The following FOXO1 variants were observed in gnomAD, a reference collection of about 807,000 sequenced individuals.
FOXO1 encodes the protein forkhead box protein O1.
Under a neutral mutation model 44.1 loss-of-function variants are expected in FOXO1, and 6 were observed. That is an observed-to-expected ratio of 0.14 (90% CI 0.07 to 0.27). FOXO1 has a LOEUF of 0.27. Among genes scored for constraint, FOXO1 ranks in the 10% least tolerant of loss-of-function variants. FOXO1 has a pLI of 1.00. For synonymous variants in FOXO1, 380 were observed against 362.7 expected (o/e 1.05, Z -0.54); for missense variants, 737 against 888.8 (o/e 0.83, Z 2.17).
At position 40,603,021 on chromosome 13, in the gene FOXO1, G is replaced by A. The variant is rs941352246; in HGVS notation, c.631-42161C>T. ...CTCTGCTCATACACTCACTCCCTAC[G>A]TCACTCCACAACTAGGCCACTAATG... On this transcript the variant is annotated intron_variant, in intron 1 of 2. Transcript: ENST00000379561. Among the ~76,000 whole-genome samples the A allele has an allele frequency of 3.3e-5, 5 of 152,042 alleles. No individual in the cohort carries two copies. In the East Asian group the frequency reaches 7.7e-4, roughly 23 times the overall value.
In FOXO1 at chr13:40,570,397, G is replaced by A. The variant is rs980750229; in HGVS notation, c.631-9537C>T. ...AAGAACGTACTACAGGACAAAAGAG[G>A]TGCGTTACAAGTAAATGGGACTACG... On this transcript the variant is annotated intron_variant, in intron 1 of 2. Transcript: ENST00000379561. 3.6e-5 allele frequency among the ~76,000 whole-genome samples: 5 copies of A among 138,572 alleles called. No individual in the cohort carries two copies. The South Asian group carries it at 1.3e-3, about 35-fold the overall frequency. The allele number at this position is 138,572 out of a possible 152,430, so 90.9% of individuals were successfully genotyped here. A position where few individuals can be genotyped will look rare whatever the true frequency, so the allele number is the denominator to read the frequency against.
In FOXO1 at chr13:40,556,652, G is replaced by A. The variant is rs1361379940; in HGVS notation, c.*2397C>T. 1 of 152,368 alleles carries A rather than the reference G, an allele frequency of 6.6e-6. No individual in the cohort carries two copies. Among genetic ancestry groups the A allele is most frequent in the East Asian group, 1.9e-4 (1 of 5,196 alleles). 9.4% of individuals were successfully genotyped at this position (152,368 alleles called of 1,614,324 possible). On this transcript the variant is annotated 3_prime_UTR_variant, in exon 3 of 3. Coordinates refer to ENST00000379561, the MANE Select transcript of FOXO1 (RefSeq NM_002015.4). ...CCCTGGACTTCACTGTTCTCAGAGA[G>A]CTACCAAGGATTCATGACAGGATTT...
intron 1 of FOXO1, among the ~76,000 whole-genome samples, chr13:40,565,242 G>A (rs943427402): frequency 5.3e-5 from 8 of 152,170 alleles, no homozygotes; most frequent in Non-Finnish European, 1.0e-4. Context: ...AAGGAGTAGC[G>A]AAAGACATGA....
chr13:40,604,751 T>A (rs1216807299), intron 1 of FOXO1, among the ~76,000 whole-genome samples: 1 of 152,268 alleles, frequency 6.6e-6, no homozygotes, highest in African/African-American at 2.4e-5. Context: ...AAGTCTTATG[T>A]ATAAGAATCA....
At chr13:40,643,358 A>G (rs1028010781) in intron 1 of FOXO1, among the ~76,000 whole-genome samples, 7 of 151,864 alleles carry the variant, frequency 4.6e-5, no homozygotes, top group Non-Finnish European at 8.8e-5. Context: ...AAAAAAAAAA[A>G]AAAAAGAAAA....
At chr13:40,628,675 T>C (rs531024254) in intron 1 of FOXO1, among the ~76,000 whole-genome samples, 3 of 152,214 alleles carry the variant, frequency 2.0e-5, no homozygotes, top group Non-Finnish European at 4.4e-5. Flanking sequence ...AATGGGGACA[T>C]GGCCAACCTA....
intron 1 of FOXO1, among the ~76,000 whole-genome samples, chr13:40,586,900 A>G (rs2137859293): frequency 6.6e-6 from 1 of 152,340 alleles, no homozygotes; most frequent in African/African-American, 2.4e-5. Flanking sequence ...CACGTTGAAC[A>G]ATCCTCTACT....
chr13:40,588,222 C>A (rs1435676409), intron 1 of FOXO1, among the ~76,000 whole-genome samples: 2 of 152,146 alleles, frequency 1.3e-5, no homozygotes, highest in Non-Finnish European at 2.9e-5. Context: ...CTCCAACAAT[C>A]AAGGTGTTCC....
In FOXO1 at chr13:40,645,206, T is replaced by C. The variant is rs542416445; in HGVS notation, c.630+20377A>G. ...TGGGTAGGTGCAGTTTCAGTGGAAA[T>C]TTACATCTATATATCCAGACTATCA... On this transcript the variant is annotated intron_variant, in intron 1 of 2. Transcript: ENST00000379561. 1.4e-4 allele frequency among the ~76,000 whole-genome samples: 21 copies of C among 152,280 alleles called. 1 individual carries two copies. In the South Asian group the frequency reaches 2.7e-3, roughly 20 times the overall value.
intron 1 of FOXO1, among the ~76,000 whole-genome samples, chr13:40,608,250 CCTT>C (rs1876095033): frequency 6.6e-6 from 1 of 152,166 alleles, no homozygotes; most frequent in Non-Finnish European, 1.5e-5. Flanking sequence ...ACACTTTTCT[CCTT>C]CTTGATTCAA....
chr13:40,628,957 TAC>T lies in FOXO1; in HGVS notation c.630+36624_630+36625del, dbSNP rs71717228. ...TTACAAGTGCATCTCGGGAATAAAA[TAC>T]ACTTACCCAAACTCCCAAAGAGCAG... On this transcript the variant is annotated intron_variant, in intron 1 of 2. Transcript: ENST00000379561. Among the ~76,000 whole-genome samples the T allele has an allele frequency of 6.5e-3, 986 of 152,244 alleles. 19 individuals carry two copies. Among genetic ancestry groups the T allele is most frequent in the African/African-American group, 0.023 (960 of 41,530 alleles).
In FOXO1 at chr13:40,644,026, G is replaced by A. The variant is rs539172463; in HGVS notation, c.630+21557C>T. ...CTGCAAAATTACAGATCTAAGTTAG[G>A]CTCATGAGTGCATTATAAAGAGCAA... On this transcript the variant is annotated intron_variant, in intron 1 of 2. Transcript: ENST00000379561. Among the ~76,000 whole-genome samples the A allele has an allele frequency of 6.4e-4, 97 of 152,294 alleles. 1 individual carries two copies. Among genetic ancestry groups the A allele is most frequent in the Non-Finnish European group, 1.1e-3 (76 of 68,030 alleles).
chr13:40,587,737 G>C (rs749266700), intron 1 of FOXO1, among the ~76,000 whole-genome samples: 4 of 152,128 alleles, frequency 2.6e-5, no homozygotes, highest in Admixed American at 2.0e-4. Flanking sequence ...CATTTCTACC[G>C]AATGGTCTGG....
chr13:40,627,087 A>G (rs981918429), intron 1 of FOXO1, among the ~76,000 whole-genome samples: 5 of 152,196 alleles, frequency 3.3e-5, no homozygotes, highest in Admixed American at 6.5e-5. Flanking sequence ...GAACACTGCA[A>G]TCACCTTTGC....
chr13:40,597,562 C>T (rs1395411030), intron 1 of FOXO1, among the ~76,000 whole-genome samples: 4 of 152,276 alleles, frequency 2.6e-5, no homozygotes, highest in Admixed American at 2.6e-4. Context: ...AGGTCCTGTG[C>T]CAAAATGGTA....
intron 1 of FOXO1, among the ~76,000 whole-genome samples, chr13:40,655,752 C>T (rs1877840126): frequency 7.1e-6 from 1 of 141,524 alleles, no homozygotes; most frequent in African/African-American, 2.7e-5. Context: ...GAGGCATTTT[C>T]GTGCCTCAGT....
chr13:40,613,058 C>T (rs1876291634), intron 1 of FOXO1, among the ~76,000 whole-genome samples: 1 of 152,190 alleles, frequency 6.6e-6, no homozygotes, highest in Non-Finnish European at 1.5e-5. Context: ...TAATCAGCCA[C>T]AATTTGAAGA....
rs189295239 is a variant in FOXO1 at position 40,620,592 on chromosome 13, C to T, written c.630+44991G>A. The stretch of plus-strand genomic sequence containing the variant: ...AAATGGTCAGCATTTACCAGAGATG[C>T]ATTGAGAACTGAGTAACCTTAGGTA... On this transcript the variant is annotated intron_variant, in intron 1 of 2. Coordinates refer to ENST00000379561, the MANE Select transcript of FOXO1 (RefSeq NM_002015.4). 42 of 429,366 alleles carry T rather than the reference C, an allele frequency of 9.8e-5. No individual in the cohort carries two copies. The Admixed American group carries it at 1.2e-3, about 12-fold the overall frequency. The allele number at this position is 429,366 out of a possible 1,614,324, so 26.6% of individuals were successfully genotyped here.
At chr13:40,662,071 T>C (rs1005634247) in intron 1 of FOXO1, among the ~76,000 whole-genome samples, 8 of 144,456 alleles carry the variant, frequency 5.5e-5, no homozygotes, top group Middle Eastern at 7.6e-3. Context: ...CTCGGGAGGC[T>C]GAGGCAGAAG....
Sources: gnomAD v4.1 joint callset for allele counts (sites outside exome capture counted in the v4.1 genomes callset) on GRCh38, gnomAD v4.1.1 for gene constraint, MANE v1.5 for transcripts, NCBI Gene and HGNC (gene_info 2026-07-23, HGNC 2026-07-21) for gene names.